The following AVEN variants were observed in gnomAD, a reference collection of about 807,000 sequenced individuals.
AVEN encodes the protein cell death regulator Aven.
A neutral mutation model predicts 38.1 loss-of-function variants in AVEN; 41 were observed. That is an observed-to-expected ratio of 1.08 (90% CI 0.84 to 1.40). The LOEUF (loss-of-function observed/expected upper bound fraction) is 1.40. AVEN is among the 40% of genes most tolerant of loss of function. The probability of loss-of-function intolerance (pLI) is 0.00; values close to 1 mark genes in which losing one functional copy is unlikely to be tolerated. For missense variants in AVEN, 605 were observed against 438.8 expected (o/e 1.38, Z -3.38); for synonymous variants, 206 against 171.8 (o/e 1.20, Z -1.56).
intron 2 of AVEN, among the ~76,000 whole-genome samples, chr15:33,899,556 G>A (rs951048709): frequency 2.9e-5 from 4 of 138,494 alleles, no homozygotes; most frequent in Admixed American, 7.7e-5. Context: ...CGCAACCTCC[G>A]CCTCCCGGGT....
chr15:34,064,000 A>G lies in AVEN; in HGVS notation n.1127-568T>C. The G allele has an allele frequency of 1.2e-6, 2 of 1,614,130 alleles. No individual in the cohort carries two copies. The highest frequency in any genetic ancestry group is 1.7e-6 in the Non-Finnish European group (2 of 1,180,014). ...CCCAACCCCAGCCATCAAATGACCAAACGAAAGAGAGTGGTCCTAGTCAAA... is the reference window on the plus strand; with the variant it reads ...CCCAACCCCAGCCATCAAATGACCAGACGAAAGAGAGTGGTCCTAGTCAAA... On this transcript the variant is annotated intron_variant and non_coding_transcript_variant, in intron 4 of 11. Coordinates refer to the AVEN transcript ENST00000675287. The surrounding 1 kb of genome is among the most constrained non-coding windows in gnomAD (Gnocchi z 4.1).
At chr15:33,975,631 G>A (rs1442824422) in intron 2 of AVEN, among the ~76,000 whole-genome samples, 1 of 152,144 alleles carries the variant, frequency 6.6e-6, no homozygotes, top group Non-Finnish European at 1.5e-5. Context: ...AACAGAATTT[G>A]TTAGAAATAC....
chr15:33,853,169 G>T, the AVEN span: 1 of 1,155,934 alleles, frequency 8.7e-7, no homozygotes, highest in Non-Finnish European at 1.2e-6. Context: ...ATACAAACAT[G>T]AGTAAATGTG....
chr15:33,983,163 T>TGTGTATATATACACAC (rs1896241089), intron 2 of AVEN, among the ~76,000 whole-genome samples: 2 of 122,602 alleles, frequency 1.6e-5, no homozygotes, highest in Admixed American at 7.9e-5. Flanking sequence ...TGTGTGTATG[T>TGTGTATATATACACAC]GTGTGTGTAT....
At chr15:33,971,573 T>C (rs1311056667) in intron 2 of AVEN, among the ~76,000 whole-genome samples, 1 of 152,098 alleles carries the variant, frequency 6.6e-6, no homozygotes, top group East Asian at 1.9e-4. Context: ...CATAATTTTG[T>C]ATATAAAATT....
At chr15:33,877,540 CGCGGTG>C (rs1419560408) in intron 2 of AVEN, among the ~76,000 whole-genome samples, 1 of 152,196 alleles carries the variant, frequency 6.6e-6, no homozygotes, top group African/African-American at 2.4e-5. Context: ...GGGGGCCGGG[CGCGGTG>C]GCTCACGCCT....
intron 2 of AVEN, among the ~76,000 whole-genome samples, chr15:33,965,937 A>G (rs1390970138): frequency 6.6e-6 from 1 of 152,038 alleles, no homozygotes; most frequent in Non-Finnish European, 1.5e-5. Flanking sequence ...TATTAAAAAA[A>G]AAGAACAACA....
chr15:34,052,502 T>A (rs927102766), intron 5 of AVEN, among the ~76,000 whole-genome samples: 1 of 152,200 alleles, frequency 6.6e-6, no homozygotes, highest in Non-Finnish European at 1.5e-5. Flanking sequence ...GCCAGGGCAA[T>A]CAGGCAAGAG....
chr15:33,991,833 A>G (rs1896738573), intron 2 of AVEN: 1 of 152,402 alleles, frequency 6.6e-6, no homozygotes, highest in Non-Finnish European at 1.5e-5. Context: ...ATGCAAAATC[A>G]CCAAGAATCT....
intron 2 of AVEN, among the ~76,000 whole-genome samples, chr15:33,915,636 C>T (rs960547717): frequency 1.3e-5 from 2 of 152,256 alleles, no homozygotes; most frequent in East Asian, 3.9e-4. Context: ...AGCTTTGTAA[C>T]AATTTCGATA....
chr15:33,878,370 T>A (rs1398526698), intron 2 of AVEN, among the ~76,000 whole-genome samples: 2 of 152,152 alleles, frequency 1.3e-5, no homozygotes, highest in Non-Finnish European at 2.9e-5. Flanking sequence ...ATATGGAAAC[T>A]TAGATATCGT....
At chr15:33,942,820 C>T (rs1341988824) in intron 2 of AVEN, among the ~76,000 whole-genome samples, 1 of 152,182 alleles carries the variant, frequency 6.6e-6, no homozygotes, top group Non-Finnish European at 1.5e-5. Flanking sequence ...TTTCTTTTAT[C>T]ATTCAGGACT....
chr15:33,964,156 G>A (rs1193626687), intron 2 of AVEN, among the ~76,000 whole-genome samples: 1 of 151,560 alleles, frequency 6.6e-6, no homozygotes, highest in East Asian at 1.9e-4. Context: ...CTAGAACCTG[G>A]AATATAGGAA....
intron 2 of AVEN, among the ~76,000 whole-genome samples, chr15:33,878,049 A>C (rs1403815430): frequency 6.6e-6 from 1 of 152,220 alleles, no homozygotes; most frequent in Non-Finnish European, 1.5e-5. Flanking sequence ...TCAGGAATAA[A>C]CATTTATTAA....
chr15:33,961,719 A>C (rs1054917103), intron 2 of AVEN, among the ~76,000 whole-genome samples: 3 of 145,802 alleles, frequency 2.1e-5, no homozygotes, highest in Non-Finnish European at 1.5e-5. Context: ...AGGCTGAGGC[A>C]GGAGAATGGC....
Position 33,924,361 on chromosome 15 carries a change from CTG to C in AVEN, c.446-48368_446-48367del, listed in dbSNP as rs1491212831. Among the ~76,000 whole-genome samples the C allele has an allele frequency of 2.7e-4, 4 of 14,836 alleles. No individual in the cohort carries two copies. In the Admixed American group the frequency reaches 3.1e-3, roughly 11 times the overall value. 9.7% of individuals were successfully genotyped at this position (14,836 alleles called of 152,430 possible). ...CTCCAGCCTAGGTGACAGAGCGAGA[CTG>C]TCTCAAAAAAAAAAAAAAATTATTA... is the stretch of plus-strand genomic sequence containing the variant. On this transcript the variant is annotated intron_variant, in intron 2 of 5. Coordinates refer to ENST00000306730, the MANE Select transcript of AVEN (RefSeq NM_020371.3).
rs145674800 is a variant in AVEN at position 33,894,898 on chromosome 15, T to C, written c.446-18903A>G. Among the ~76,000 whole-genome samples the C allele has an allele frequency of 2.6e-3, 387 of 151,144 alleles. 2 individuals carry two copies. The highest frequency in any genetic ancestry group is 0.015 in the South Asian group (72 of 4,738). On this transcript the variant is annotated intron_variant, in intron 2 of 5. Coordinates refer to ENST00000306730, the MANE Select transcript of AVEN (RefSeq NM_020371.3). ...TTTTAAAGCTCTGTTTCCACACAAC[T>C]TTTTCCTAACTTGTATATCCTTAGA...
At chr15:33,992,688 A>C (rs1597324064) in intron 2 of AVEN, among the ~76,000 whole-genome samples, 1 of 152,166 alleles carries the variant, frequency 6.6e-6, no homozygotes, top group South Asian at 2.1e-4. Context: ...AGCTGAATCA[A>C]TGAGGACAAA....
chr15:33,865,250 A>G (rs770360123), downstream of AVEN: 1 of 1,534,652 alleles, frequency 6.5e-7, no homozygotes. Flanking sequence ...AAGCGCGACA[A>G]TTCTGGACAG....
Sources: gnomAD v4.1 joint callset for allele counts (sites outside exome capture counted in the v4.1 genomes callset) on GRCh38, gnomAD v4.1.1 for gene constraint, Gnocchi (gnomAD v3.1) non-coding constraint, MANE v1.5 for transcripts, NCBI Gene and HGNC (gene_info 2026-07-23, HGNC 2026-07-21) for gene names.